Variants in PCDH9 observed in about 807,000 individuals in gnomAD.
The protein encoded by PCDH9 is protocadherin-9.
PCDH9 carries 24 observed loss-of-function variants against 70.6 expected under a neutral mutation model. The observed-to-expected ratio is 0.34, with a 90% CI of 0.25 to 0.48. The LOEUF (loss-of-function observed/expected upper bound fraction) is 0.48. Ranked by LOEUF, PCDH9 falls within the 20% of genes least tolerant of loss-of-function variation. The pLI is 0.99. For synonymous variants in PCDH9, 562 were observed against 558.5 expected (o/e 1.01, Z -0.09); for missense variants, 1,281 against 1,503.6 (o/e 0.85, Z 2.45).
intron 3 of PCDH9, among the ~76,000 whole-genome samples, chr13:66,871,295 A>G (rs923690917): frequency 3.3e-5 from 5 of 151,770 alleles, no homozygotes; most frequent in African/African-American, 7.3e-5. Flanking sequence ...GCTAAATGAC[A>G]AGTTAATGGG....
chr13:66,928,632 G>A lies in PCDH9; in HGVS notation c.3037-25027C>T, dbSNP rs907727139. ...GAATGAGATTAGTGCCCTTATAATA[G>A]AGACCTGAATGGTGCATGTTTGCCC... On this transcript the variant is annotated intron_variant, in intron 2 of 4. Coordinates refer to ENST00000377865, the MANE Select transcript of PCDH9 (RefSeq NM_203487.3). Among the ~76,000 whole-genome samples, 12 of 152,168 alleles carry A rather than the reference G, an allele frequency of 7.9e-5. 1 individual carries two copies. The highest frequency in any genetic ancestry group is 5.9e-4 in the Admixed American group (9 of 15,272).
At chr13:66,997,696 A>C (rs2139812551) in intron 2 of PCDH9, among the ~76,000 whole-genome samples, 1 of 151,982 alleles carries the variant, frequency 6.6e-6, no homozygotes, top group South Asian at 2.1e-4. Flanking sequence ...CACCATGCCT[A>C]GCTAATTTTT....
chr13:67,049,207 GAAC>G (rs2085278113), intron 2 of PCDH9, among the ~76,000 whole-genome samples: 1 of 151,996 alleles, frequency 6.6e-6, no homozygotes, highest in Non-Finnish European at 1.5e-5. Flanking sequence ...AAAAAAAATT[GAAC>G]AACATAGGGC....
chr13:66,976,205 A>G (rs2083617044), intron 2 of PCDH9, among the ~76,000 whole-genome samples: 2 of 152,090 alleles, frequency 1.3e-5, no homozygotes, highest in Non-Finnish European at 2.9e-5. Flanking sequence ...CTCATTGGCA[A>G]ACTACTTTTC....
At chr13:66,995,570 G>T (rs1414713083) in intron 2 of PCDH9, among the ~76,000 whole-genome samples, 1 of 152,156 alleles carries the variant, frequency 6.6e-6, no homozygotes, top group Non-Finnish European at 1.5e-5. Context: ...TAGGAAGTTA[G>T]AATTGTTCCA....
chr13:66,887,580 G>A (rs1013471014), intron 3 of PCDH9, among the ~76,000 whole-genome samples: 1 of 152,222 alleles, frequency 6.6e-6, no homozygotes, highest in East Asian at 1.9e-4. Flanking sequence ...ATGAAATCAC[G>A]GAAAGTACTA....
intron 3 of PCDH9, among the ~76,000 whole-genome samples, chr13:66,884,206 C>T (rs752826337): frequency 1.3e-4 from 19 of 151,908 alleles, no homozygotes; most frequent in Non-Finnish European, 2.4e-4. Flanking sequence ...CCACTTTAAG[C>T]GTTCTTGCTT....
At chr13:66,729,701 CT>C (rs529055380) in intron 3 of PCDH9, among the ~76,000 whole-genome samples, 36 of 152,138 alleles carry the variant, frequency 2.4e-4, no homozygotes, top group Non-Finnish European at 4.9e-4. Flanking sequence ...TGAGAAAACT[CT>C]TTTGACCATC....
intron 3 of PCDH9, among the ~76,000 whole-genome samples, chr13:66,817,803 T>A (rs1488656889): frequency 6.6e-6 from 1 of 151,986 alleles, no homozygotes; most frequent in Non-Finnish European, 1.5e-5. Flanking sequence ...CCCCAAGTAA[T>A]TTTTTGTAGA....
At chr13:66,921,492 A>G (rs1156870980) in intron 2 of PCDH9, among the ~76,000 whole-genome samples, 2 of 151,210 alleles carry the variant, frequency 1.3e-5, no homozygotes. Context: ...TGGTCCTTTG[A>G]TAAGCCATCT....
rs139310600 is a variant in PCDH9 at position 67,123,841 on chromosome 13, G to C, written c.3036+101564C>G. 3.9e-3 allele frequency among the ~76,000 whole-genome samples: 588 copies of C among 151,768 alleles called. 6 individuals carry two copies. Among genetic ancestry groups the C allele is most frequent in the African/African-American group, 0.014 (565 of 41,470 alleles). On this transcript the variant is annotated intron_variant, in intron 2 of 4. Transcript: ENST00000377865. Reference sequence around the variant, plus strand: ...CTTTGTAAAACACCTTGTCACAGTAGATTATGGAAAGTCTGTTATTTGCAT... The same window carrying C: ...CTTTGTAAAACACCTTGTCACAGTACATTATGGAAAGTCTGTTATTTGCAT...
intron 3 of PCDH9, among the ~76,000 whole-genome samples, chr13:66,876,408 C>T (rs950043267): frequency 2.0e-5 from 3 of 151,800 alleles, no homozygotes; most frequent in Admixed American, 1.3e-4. Flanking sequence ...AAAAAAAATA[C>T]AAAACATCAT....
intron 3 of PCDH9, among the ~76,000 whole-genome samples, chr13:66,897,460 C>T (rs2082201949): frequency 1.3e-5 from 2 of 151,990 alleles, no homozygotes; most frequent in Admixed American, 1.3e-4. Context: ...TATTGATGGC[C>T]CCATTTAAAA....
At chr13:67,169,327 C>T (rs541043185) in intron 2 of PCDH9, among the ~76,000 whole-genome samples, 3 of 152,266 alleles carry the variant, frequency 2.0e-5, no homozygotes, top group African/African-American at 7.2e-5. Flanking sequence ...GTACAATGCT[C>T]ATTATGGTGT....
chr13:66,759,659 C>G (rs7328962), intron 3 of PCDH9, among the ~76,000 whole-genome samples: 76,256 of 119,026 alleles, frequency 0.64, 21,535 homozygotes, highest in Middle Eastern at 0.76. Flanking sequence ...TGTATGTATT[C>G]TAGAGTTTTG....
chr13:67,013,612 G>A (rs1479421338), intron 2 of PCDH9, among the ~76,000 whole-genome samples: 3 of 151,706 alleles, frequency 2.0e-5, no homozygotes, highest in Admixed American at 6.6e-5. Context: ...CATGCTTCAT[G>A]ACCACATAAC....
At chr13:66,910,534 C>T (rs370197519) in intron 2 of PCDH9, among the ~76,000 whole-genome samples, 1 of 788 alleles carries the variant, frequency 1.3e-3, no homozygotes, top group African/African-American at 2.7e-3. Context: ...GTAAAAAAAT[C>T]TTACAAATTT....
At chr13:67,054,542 A>C (rs1337890148) in intron 2 of PCDH9, among the ~76,000 whole-genome samples, 1 of 152,228 alleles carries the variant, frequency 6.6e-6, no homozygotes, top group Non-Finnish European at 1.5e-5. Context: ...GTAGAGCTTC[A>C]GAATTTTTCT....
chr13:67,107,366 T>C (rs1328906513), intron 2 of PCDH9, among the ~76,000 whole-genome samples: 1 of 152,174 alleles, frequency 6.6e-6, no homozygotes, highest in African/African-American at 2.4e-5. Context: ...TGGCCACCCA[T>C]AGGCCAATCA....
Sources: gnomAD v4.1 joint callset for allele counts (sites outside exome capture counted in the v4.1 genomes callset) on GRCh38, gnomAD v4.1.1 for gene constraint, MANE v1.5 for transcripts, NCBI Gene and HGNC (gene_info 2026-07-23, HGNC 2026-07-21) for gene names.